The following BOD1L1 variants were observed in gnomAD, a reference collection of about 807,000 sequenced individuals.
BOD1L1 encodes biorientation of chromosomes in cell division protein 1-like 1.
A neutral mutation model predicts 240.7 loss-of-function variants in BOD1L1; 86 were observed. The ratio of observed to expected loss-of-function variants is 0.36; its 90% CI spans 0.30 to 0.43. The LOEUF is 0.43. BOD1L1 is among the 20% of genes least tolerant of loss of function. BOD1L1 has a pLI of 1.00. For synonymous variants in BOD1L1, 1,268 were observed against 1,272.3 expected (o/e 1.00, Z 0.07); for missense variants, 3,554 against 3,643.5 (o/e 0.98, Z 0.63).
intron 12 of BOD1L1, among the ~76,000 whole-genome samples, chr4:13,594,844 G>A (rs1310091415): frequency 1.3e-5 from 2 of 152,156 alleles, no homozygotes; most frequent in Non-Finnish European, 2.9e-5. Context: ...GCAGTGAGCC[G>A]AGATCACGCC....
intron 4 of BOD1L1, among the ~76,000 whole-genome samples, 154 bp downstream of exon 4, chr4:13,614,042 A>T (rs1302272601): frequency 5.3e-5 from 8 of 152,166 alleles, no homozygotes; most frequent in Admixed American, 5.2e-4. Flanking sequence ...ACAAAAATAC[A>T]AATATTTATT....
At chr4:13,582,437 A>G in intron 18 of BOD1L1, 127 bp from the exon 19 acceptor site, 1 of 775,798 alleles carries the variant, frequency 1.3e-6, no homozygotes, top group South Asian at 1.7e-5. Flanking sequence ...TTCTACCATC[A>G]AAATTAACAA....
intron 14 of BOD1L1, among the ~76,000 whole-genome samples, 193 bp downstream of exon 14, chr4:13,590,193 A>G (rs1714086232): frequency 6.6e-6 from 1 of 152,258 alleles, no homozygotes; most frequent in Non-Finnish European, 1.5e-5. Flanking sequence ...ATGGCTTGGA[A>G]TAAGTCACCT....
intron 24 of BOD1L1, among the ~76,000 whole-genome samples, 181 bp downstream of exon 24, chr4:13,577,222 A>G (rs1223598542): frequency 6.6e-6 from 1 of 152,194 alleles, no homozygotes; most frequent in Non-Finnish European, 1.5e-5. Context: ...AAAAATTGAC[A>G]TGTACTCAGA....
intron 1 of BOD1L1, chr4:13,625,177 G>T (rs1717300162): frequency 6.6e-6 from 1 of 152,160 alleles, no homozygotes; most frequent in South Asian, 2.1e-4. Flanking sequence ...GAGTTTTGTT[G>T]TAACAATATC....
intron 12 of BOD1L1, 37 bp downstream of exon 12, chr4:13,595,823 A>C (rs1275189253): frequency 6.3e-7 from 1 of 1,575,140 alleles, no homozygotes; most frequent in Admixed American, 1.7e-5. Flanking sequence ...CAAGGCAAAA[A>C]CAAAAACAAT....
chr4:13,581,743 C>T (rs1184139422), intron 19 of BOD1L1, among the ~76,000 whole-genome samples: 1 of 152,192 alleles, frequency 6.6e-6, no homozygotes, highest in Non-Finnish European at 1.5e-5. Context: ...TATGGGCTTA[C>T]AGCAGGCAGG....
intron 12 of BOD1L1, chr4:13,592,387 G>C (rs6448985): frequency 6.4e-6 from 1 of 156,350 alleles, no homozygotes; most frequent in Admixed American, 6.3e-5. Context: ...CTGTTTATAT[G>C]CTTTGGAAAC....
intron 5 of BOD1L1, among the ~76,000 whole-genome samples, chr4:13,612,410 G>T (rs1408725578): frequency 6.6e-6 from 1 of 152,152 alleles, no homozygotes; most frequent in Non-Finnish European, 1.5e-5. Flanking sequence ...TTGGTAAGAA[G>T]CACAGACTCG....
Position 13,604,205 on chromosome 4 carries a change from G to C in BOD1L1, c.2695C>G (p.Arg899Gly). The part of the protein sequence containing the change: ...PEEVVHKEKR[R>G]TKSLLEEKLV... ...TTCTCTTCTAACAAGCTCTTTGTTC[G>C]TCGTTTCTCCTTGTGAACAACCTCT... The change falls in exon 10 of 26, where the codon CGA (arginine) becomes GGA (glycine). Residue 899 changes from arginine to glycine, a missense_variant. Coordinates refer to ENST00000040738, the MANE Select transcript of BOD1L1 (RefSeq NM_148894.3). The C allele has an allele frequency of 6.2e-7, 1 of 1,613,492 alleles. No homozygotes were observed. The highest frequency in any genetic ancestry group is 1.1e-5 in the South Asian group (1 of 90,966).
In BOD1L1 at chr4:13,602,779, A is replaced by G. The variant is rs369566060; in HGVS notation, c.4121T>C (p.Leu1374Ser). Residue 1374 changes from leucine (L) to serine (S), a missense_variant, in exon 10 of 26, where the codon TTA becomes TCA. By Grantham distance (145) the Leu-to-Ser change is moderately radical. Coordinates refer to ENST00000040738, the MANE Select transcript of BOD1L1 (RefSeq NM_148894.3). ...TACCTTTCCTTGTTTACCATCCAAT[A>G]AAGTAGCCTGGTGAGCTTCTGGAAT... is the stretch of plus-strand genomic sequence containing the variant. ...RHIPEAHQATLLDGKQGKVIM... is the reference protein window; with the variant it reads ...RHIPEAHQATSLDGKQGKVIM... 1.2e-6 allele frequency: 2 copies of G among 1,613,904 alleles called. No homozygotes were observed. The highest frequency in any genetic ancestry group is 2.7e-5 in the African/African-American group (2 of 74,930).
At chr4:13,609,459 G>T in intron 6 of BOD1L1, 53 bp from the exon 7 acceptor site, 1 of 1,161,496 alleles carries the variant, frequency 8.6e-7, no homozygotes, top group Non-Finnish European at 1.2e-6. Context: ...AAAACACACT[G>T]AAAAATTGTA....
intron 1 of BOD1L1, chr4:13,624,277 C>A (rs2109003727): frequency 6.6e-6 from 1 of 152,046 alleles, no homozygotes; most frequent in South Asian, 2.1e-4. Context: ...AGCACCAGAA[C>A]TTCAACCATA....
intron 9 of BOD1L1, among the ~76,000 whole-genome samples, chr4:13,605,855 ATATGTT>A (rs2108962874): frequency 6.6e-6 from 1 of 152,268 alleles, no homozygotes; most frequent in South Asian, 2.1e-4. Flanking sequence ...TAACATATGT[ATATGTT>A]TATGTATTCA....
Position 13,571,777 on chromosome 4 carries a change from G to T in BOD1L1, c.9039-1649C>A, listed in dbSNP as rs1415229676. On this transcript the variant is annotated intron_variant, in intron 25 of 25. Transcript: ENST00000040738. Reference sequence around the variant, plus strand: ...GTGATTTGACTGCATGTTCAATTTTGAGTAGTATGCATGGAAACCTTCCTG... The same window carrying T: ...GTGATTTGACTGCATGTTCAATTTTTAGTAGTATGCATGGAAACCTTCCTG... Among the ~76,000 whole-genome samples, 4 of 152,330 alleles carry T rather than the reference G, an allele frequency of 2.6e-5. No individual in the cohort carries two copies. The East Asian group carries it at 7.7e-4, about 29-fold the overall frequency.
Position 13,604,545 on chromosome 4 carries a change from A to C in BOD1L1, c.2355T>G (p.Asp785Glu). 1 of 1,545,484 alleles carries C rather than the reference A, an allele frequency of 6.5e-7. No individual in the cohort carries two copies. Among genetic ancestry groups the C allele is most frequent in the East Asian group, 2.3e-5 (1 of 43,996 alleles). ...QSQQTKLSSD[D>E]KTERKSKHRN... ...TATGTTTACTTTTTCGTTCGGTTTTATCATCTGAAGAAAGCTTTGTTTGTT... is the reference window on the plus strand; with the variant it reads ...TATGTTTACTTTTTCGTTCGGTTTTCTCATCTGAAGAAAGCTTTGTTTGTT... The change falls in exon 10 of 26, where the codon GAT becomes GAG. Residue 785 changes from aspartate to glutamate, a missense_variant. Physicochemically the swap from Asp to Glu is conservative, Grantham distance 45 (BLOSUM62 2). Transcript: ENST00000040738.
intron 3 of BOD1L1, 30 bp from the exon 4 acceptor site, chr4:13,614,840 A>C: frequency 6.4e-7 from 1 of 1,552,364 alleles, no homozygotes; most frequent in African/African-American, 1.4e-5. Flanking sequence ...TTTAGAATAC[A>C]TTTAATCAGA....
At chr4:13,618,967 C>T (rs536656984) in intron 2 of BOD1L1, among the ~76,000 whole-genome samples, 1 of 152,146 alleles carries the variant, frequency 6.6e-6, no homozygotes, top group East Asian at 1.9e-4. Context: ...CTTAGTCACC[C>T]TTTTTTTGAG....
At chr4:13,577,824 CAT>C in intron 22 of BOD1L1, 193 bp from the exon 23 acceptor site, 1 of 410,596 alleles carries the variant, frequency 2.4e-6, no homozygotes, top group Non-Finnish European at 4.3e-6. Flanking sequence ...AGTCACGAAA[CAT>C]AAGTTTTCAT....
Sources: allele counts gnomAD v4.1 joint callset (sites outside exome capture counted in the v4.1 genomes callset), GRCh38; gene constraint gnomAD v4.1.1; transcripts MANE v1.5; gene names NCBI Gene and HGNC (gene_info 2026-07-23, HGNC 2026-07-21).